The following TMEM217B variants were observed in gnomAD, a reference collection of about 807,000 sequenced individuals.
TMEM217B encodes transmembrane protein 217B, also known as putative transmembrane protein 217B.
At chr6:37,229,406 G>C in the TMEM217B span, among the ~76,000 whole-genome samples, 1 of 146,070 alleles carries the variant, frequency 6.8e-6, no homozygotes, top group South Asian at 2.2e-4. Flanking sequence ...GCAGCGGCGC[G>C]ATCTCGGCTC....
the TMEM217B span, among the ~76,000 whole-genome samples, chr6:37,252,631 A>ATTT: frequency 7.2e-4 from 56 of 77,298 alleles, no homozygotes; most frequent in African/African-American, 3.4e-3. Flanking sequence ...ATATATATAT[A>ATTT]TATATATTTT....
chr6:37,229,335 GTTTTTTTTTTT>G, the TMEM217B span, among the ~76,000 whole-genome samples: 2 of 74,364 alleles, frequency 2.7e-5, no homozygotes, highest in East Asian at 4.6e-4. Flanking sequence ...GCAACTTTCA[GTTTTTTTTTTT>G]TTTTTTTTTT....
the TMEM217B span, among the ~76,000 whole-genome samples, chr6:37,227,996 C>CATTT: frequency 6.6e-6 from 1 of 152,114 alleles, no homozygotes; most frequent in African/African-American, 2.4e-5. Context: ...GAAAGTTTCA[C>CATTT]ATTTGCTCTA....
chr6:37,249,509 C>T, the TMEM217B span, among the ~76,000 whole-genome samples: 5 of 152,140 alleles, frequency 3.3e-5, no homozygotes, highest in East Asian at 7.7e-4. Context: ...TTAGTGGAGA[C>T]GGGGTTTCAC....
the TMEM217B span, chr6:37,212,374 G>A: frequency 2.7e-6 from 1 of 375,802 alleles, no homozygotes; most frequent in South Asian, 2.0e-5. Flanking sequence ...CATTGTTGAG[G>A]AACACCATTC....
the TMEM217B span, among the ~76,000 whole-genome samples, chr6:37,253,842 T>C: frequency 2.0e-5 from 3 of 152,222 alleles, no homozygotes; most frequent in African/African-American, 7.2e-5. Context: ...TTTCTCTCCC[T>C]ACTCAAGGAT....
the TMEM217B span, among the ~76,000 whole-genome samples, chr6:37,239,055 A>G: frequency 1.3e-5 from 2 of 152,178 alleles, no homozygotes; most frequent in South Asian, 4.1e-4. Context: ...ACTTGAACCT[A>G]AGAGGTGGAG....
the TMEM217B span, among the ~76,000 whole-genome samples, chr6:37,251,342 A>T: frequency 2.6e-5 from 4 of 152,272 alleles, no homozygotes; most frequent in Non-Finnish European, 5.9e-5. Context: ...GCCTGAATGG[A>T]CTAAGACAGT....
At chr6:37,222,826 G>A in the TMEM217B span, among the ~76,000 whole-genome samples, 2 of 152,220 alleles carry the variant, frequency 1.3e-5, no homozygotes, top group Non-Finnish European at 2.9e-5. Flanking sequence ...AAGGGGCCGG[G>A]CTTCCACCGG....
the TMEM217B span, among the ~76,000 whole-genome samples, chr6:37,220,628 C>T: frequency 2.0e-5 from 3 of 151,906 alleles, no homozygotes; most frequent in Admixed American, 2.0e-4. Flanking sequence ...TAAAGTCGTC[C>T]TAAACTGAAA....
At chr6:37,216,671 G>A in the TMEM217B span, among the ~76,000 whole-genome samples, 1 of 152,176 alleles carries the variant, frequency 6.6e-6, no homozygotes, top group Non-Finnish European at 1.5e-5. Flanking sequence ...GCCAAATGGT[G>A]AGTGCTGTGG....
At chr6:37,250,956 G>A in the TMEM217B span, among the ~76,000 whole-genome samples, 1 of 152,364 alleles carries the variant, frequency 6.6e-6, no homozygotes, top group South Asian at 2.1e-4. Flanking sequence ...ACGCGGTAAG[G>A]TATTTGGGAG....
chr6:37,221,123 G>A, the TMEM217B span, among the ~76,000 whole-genome samples: 2 of 151,770 alleles, frequency 1.3e-5, no homozygotes, highest in African/African-American at 2.4e-5. Flanking sequence ...CCCAGCTCCT[G>A]GAAACTATCA....
the TMEM217B span, chr6:37,257,873 G>A: frequency 1.2e-6 from 2 of 1,602,758 alleles, no homozygotes; most frequent in Non-Finnish European, 8.5e-7. Flanking sequence ...CATCTCGCCG[G>A]GCAAACCCTT....
At chr6:37,212,773 G>A in the TMEM217B span, 4 of 703,334 alleles carry the variant, frequency 5.7e-6, no homozygotes, top group Non-Finnish European at 1.0e-5. Flanking sequence ...GATGATGGTG[G>A]TGAGGGAGAG....
chr6:37,219,299 C>T, the TMEM217B span, among the ~76,000 whole-genome samples: 5 of 152,148 alleles, frequency 3.3e-5, no homozygotes, highest in Non-Finnish European at 7.4e-5. Flanking sequence ...ACCTTAGAAT[C>T]ACCAAAAGTA....
chr6:37,251,917 G>T, the TMEM217B span, among the ~76,000 whole-genome samples: 1 of 152,076 alleles, frequency 6.6e-6, no homozygotes, highest in Non-Finnish European at 1.5e-5. Context: ...TTATGAGATG[G>T]AGTTTCACTC....
chr6:37,243,434 T>C, the TMEM217B span, among the ~76,000 whole-genome samples: 2 of 152,180 alleles, frequency 1.3e-5, no homozygotes, highest in Non-Finnish European at 2.9e-5. Context: ...CCAGTGTAAT[T>C]GCCCAGTGGG....
chr6:37,219,022 C>A, the TMEM217B span: 4 of 1,612,422 alleles, frequency 2.5e-6, no homozygotes, highest in Non-Finnish European at 3.4e-6. Context: ...ACCACTGCTG[C>A]TGTTTCATGC....
Sources: allele counts gnomAD v4.1 joint callset (sites outside exome capture counted in the v4.1 genomes callset), GRCh38; gene constraint gnomAD v4.1.1; transcripts MANE v1.5; gene names NCBI Gene and HGNC (gene_info 2026-07-23, HGNC 2026-07-21).